Variants in GFM1 observed in about 807,000 individuals in gnomAD.
GFM1 encodes the protein G elongation factor mitochondrial 1.
GFM1 carries 62 observed loss-of-function variants against 96.2 expected under a neutral mutation model. That is an observed-to-expected ratio of 0.64 (90% CI 0.53 to 0.80). The LOEUF (loss-of-function observed/expected upper bound fraction) is 0.80. GFM1 is among the 30% of genes least tolerant of loss of function. The pLI is 0.00. For synonymous variants in GFM1, 282 were observed against 312.9 expected (o/e 0.90, Z 1.04); for missense variants, 852 against 916.6 (o/e 0.93, Z 0.91).
intron 13 of GFM1, among the ~76,000 whole-genome samples, chr3:158,679,298 T>A (rs928156090): frequency 6.6e-6 from 1 of 152,212 alleles, no homozygotes; most frequent in Non-Finnish European, 1.5e-5. Context: ...GGAAAACAAT[T>A]TGTGTGACTT....
chr3:158,661,180 T>A (rs750047589), intron 10 of GFM1, among the ~76,000 whole-genome samples: 1 of 152,164 alleles, frequency 6.6e-6, no homozygotes, highest in Non-Finnish European at 1.5e-5. Context: ...CTTACCTGGT[T>A]TTTCATAGTA....
At chr3:158,689,459 C>A (rs891326744) in intron 15 of GFM1, among the ~76,000 whole-genome samples, 2 of 152,118 alleles carry the variant, frequency 1.3e-5, no homozygotes, top group African/African-American at 4.8e-5. Flanking sequence ...TGGCTTGATT[C>A]TTGCTTCTGA....
intron 3 of GFM1, among the ~76,000 whole-genome samples, chr3:158,646,503 CA>C (rs1271004809): frequency 6.6e-6 from 1 of 152,182 alleles, no homozygotes; most frequent in Non-Finnish European, 1.5e-5. Context: ...TGTGAGTAGG[CA>C]GATTCTTGCC....
Position 158,691,639 on chromosome 3 carries a change from A to G in GFM1, c.*172A>G, listed in dbSNP as rs2108120889. ...TTGTTCATATTCAGGAGCTTCTGTT[A>G]TATTCAAAGGTAATTCTATGTCTAT... On this transcript the variant is annotated 3_prime_UTR_variant, in exon 18 of 18. Coordinates refer to ENST00000486715, the MANE Select transcript of GFM1 (RefSeq NM_024996.7). The G allele has an allele frequency of 1.6e-6, 1 of 620,976 alleles. No homozygotes were observed. Among genetic ancestry groups the G allele is most frequent in the African/African-American group, 1.9e-5 (1 of 53,916 alleles). The allele number at this position is 620,976 out of a possible 1,614,324, so 38.5% of individuals were successfully genotyped here. A position where few individuals can be genotyped will look rare whatever the true frequency, so the allele number is the denominator to read the frequency against.
At chr3:158,662,496 T>A in intron 10 of GFM1, 132 bp from the exon 11 acceptor site, 3 of 662,806 alleles carry the variant, frequency 4.5e-6, no homozygotes, top group Non-Finnish European at 8.2e-6. Context: ...AGATATATGT[T>A]GTCTAGCCTA....
Position 158,691,758 on chromosome 3 carries a change from G to T in GFM1, c.*291G>T, listed in dbSNP as rs1025370201. 3.7e-6 allele frequency: 1 copy of T among 271,548 alleles called. No homozygotes were observed. The highest frequency in any genetic ancestry group is 7.1e-6 in the Non-Finnish European group (1 of 139,886). The allele number at this position is 271,548 out of a possible 1,614,324, so 16.8% of individuals were successfully genotyped here. A position where few individuals can be genotyped will look rare whatever the true frequency, so the allele number is the denominator to read the frequency against. ...ATGTTTAATATTTAAGGGGAAAAGA[G>T]ACTAATTTCAGTTATACTTTTAAGC... is the stretch of plus-strand genomic sequence containing the variant. On this transcript the variant is annotated 3_prime_UTR_variant, in exon 18 of 18. Transcript: ENST00000486715.
intron 5 of GFM1, chr3:158,650,278 T>G (rs889857025): frequency 9.0e-6 from 5 of 558,580 alleles, no homozygotes; most frequent in African/African-American, 7.5e-5. Flanking sequence ...CTTTATTCAC[T>G]GCTATGTCCC....
chr3:158,650,068 G>A (rs1319047768), intron 5 of GFM1: 8 of 1,533,388 alleles, frequency 5.2e-6, no homozygotes, highest in Admixed American at 2.0e-5. Context: ...GCAGGTGGGC[G>A]AATGGCATTG....
At chr3:158,653,723 C>G (rs1042554358) in intron 7 of GFM1, among the ~76,000 whole-genome samples, 3 of 151,230 alleles carry the variant, frequency 2.0e-5, no homozygotes, top group African/African-American at 7.3e-5. Flanking sequence ...AGAAAATTTT[C>G]TCATTTGGGA....
At chr3:158,682,645 A>C (rs774827898) in intron 14 of GFM1, among the ~76,000 whole-genome samples, 27 of 152,384 alleles carry the variant, frequency 1.8e-4, no homozygotes, top group Non-Finnish European at 3.5e-4. Flanking sequence ...ATTGAGGATC[A>C]GATAAGACTA....
At chr3:158,684,743 T>C in intron 15 of GFM1, 75 bp downstream of exon 15, 1 of 1,472,876 alleles carries the variant, frequency 6.8e-7, no homozygotes, top group Non-Finnish European at 9.5e-7. Context: ...CAACACTGTT[T>C]TCAGTCTTCT....
Position 158,653,360 on chromosome 3 carries a change from G to T in GFM1, c.891G>T (p.Leu297Phe), listed in dbSNP as rs1328019166. The T allele has an allele frequency of 2.5e-6, 4 of 1,613,290 alleles. No homozygotes were observed. The highest frequency in any genetic ancestry group is 3.4e-6 in the Non-Finnish European group (4 of 1,179,642). Residue 297 changes from leucine (L) to phenylalanine (F), a missense_variant, in exon 7 of 18, where the codon TTG (leucine) becomes TTT (phenylalanine). Transcript: ENST00000486715. The part of the protein sequence containing the change: ...TLKRSFTPVF[L>F]GSALKNKGVQ... The stretch of plus-strand genomic sequence containing the variant: ...AAAGATCATTTACTCCTGTATTTTT[G>T]GGAAGCGCCTTGAAGAACAAAGGAG...
rs891082503 is a variant in GFM1 at position 158,691,674 on chromosome 3, A to G, written c.*207A>G. On this transcript the variant is annotated 3_prime_UTR_variant, in exon 18 of 18. Coordinates refer to ENST00000486715, the MANE Select transcript of GFM1 (RefSeq NM_024996.7). ...GTAATTCTATGTCTATCTCAACTCTATTGATTGGTTTTATAGTTCATTGAA... is the reference window on the plus strand; with the variant it reads ...GTAATTCTATGTCTATCTCAACTCTGTTGATTGGTTTTATAGTTCATTGAA... The G allele has an allele frequency of 3.8e-5, 19 of 501,056 alleles. No individual in the cohort carries two copies. The highest frequency in any genetic ancestry group is 5.8e-5 in the African/African-American group (3 of 51,582). The allele number at this position is 501,056 out of a possible 1,614,324, so 31.0% of individuals were successfully genotyped here.
intron 11 of GFM1, among the ~76,000 whole-genome samples, chr3:158,665,029 T>C (rs1219197142): frequency 6.6e-6 from 1 of 152,218 alleles, no homozygotes; most frequent in African/African-American, 2.4e-5. Context: ...TTCTGCTTTA[T>C]GGGCAATTTT....
chr3:158,690,191 T>G lies in GFM1; in HGVS notation c.1938T>G (p.Leu646=), dbSNP rs1240561187. 6.2e-7 allele frequency: 1 copy of G among 1,614,012 alleles called. No homozygotes were observed. The highest frequency in any genetic ancestry group is 8.5e-7 in the Non-Finnish European group (1 of 1,179,910). Reference sequence around the variant, plus strand: ...TGGCAAATGCAACATTATGTATTCTTGAACCTATTATGGCTGTGGAAGTTG... The same window carrying G: ...TGGCAAATGCAACATTATGTATTCTGGAACCTATTATGGCTGTGGAAGTTG... The part of the protein sequence containing the change: ...QALANATLCI[L]EPIMAVEVVA... Residue 646 remains leucine, a synonymous_variant, in exon 16 of 18, where the codon CTT becomes CTG. Transcript: ENST00000486715.
chr3:158,674,230 T>C (rs1047323341), intron 13 of GFM1, among the ~76,000 whole-genome samples: 2 of 151,792 alleles, frequency 1.3e-5, no homozygotes, highest in African/African-American at 2.4e-5. Flanking sequence ...ACAGGTGCAC[T>C]TCACCACACC....
At position 158,682,103 on chromosome 3, in the gene GFM1, A is replaced by G. The variant is rs200243508; in HGVS notation, c.1710A>G (p.Ser570=). Residue 570 remains serine, a synonymous_variant, in exon 14 of 18, where the codon TCA becomes TCG. Coordinates refer to ENST00000486715, the MANE Select transcript of GFM1 (RefSeq NM_024996.7). ...DPEDYTKLEF[S]DETFGSNIPK... is the part of the protein sequence containing the mutation. Reference sequence around the variant, plus strand: ...AGGACTACACTAAATTGGAATTTTCAGATGAAACATTCGGATCAAATATTC... The same window carrying G: ...AGGACTACACTAAATTGGAATTTTCGGATGAAACATTCGGATCAAATATTC... The G allele has an allele frequency of 6.2e-7, 1 of 1,613,856 alleles. No individual in the cohort carries two copies. The highest frequency in any genetic ancestry group is 2.2e-5 in the East Asian group (1 of 44,846).
intron 13 of GFM1, 43 bp downstream of exon 13, chr3:158,666,429 A>T (rs1308846674): frequency 6.6e-7 from 1 of 1,524,024 alleles, no homozygotes; most frequent in East Asian, 2.3e-5. Flanking sequence ...CTGAAATTGA[A>T]GCTTTTTATT....
chr3:158,650,008 C>T, intron 5 of GFM1: 1 of 1,535,934 alleles, frequency 6.5e-7, no homozygotes, highest in Non-Finnish European at 8.7e-7. Context: ...TCCACAGGCA[C>T]TTCCTGAGGG....
Sources: allele counts gnomAD v4.1 joint callset (sites outside exome capture counted in the v4.1 genomes callset), GRCh38; gene constraint gnomAD v4.1.1; transcripts MANE v1.5; gene names NCBI Gene and HGNC (gene_info 2026-07-23, HGNC 2026-07-21).